Variants in ME1 observed in about 807,000 individuals in gnomAD.
The protein encoded by ME1 is NADP-dependent malic enzyme.
Under a neutral mutation model 66.4 loss-of-function variants are expected in ME1, and 74 were observed. The observed-to-expected ratio is 1.11, with a 90% CI of 0.92 to 1.35. The LOEUF (loss-of-function observed/expected upper bound fraction) is 1.35. Among genes scored for constraint, ME1 ranks in the 40% most tolerant of loss-of-function variants. The probability of loss-of-function intolerance (pLI) is 0.00; values close to 1 mark genes in which losing one functional copy is unlikely to be tolerated. For missense variants in ME1, 750 were observed against 694.1 expected, an observed-to-expected ratio of 1.08 and a Z score of -0.90; for synonymous variants, 251 against 235.6, an observed-to-expected ratio of 1.07 and a Z score of -0.60.
intron 5 of ME1, among the ~76,000 whole-genome samples, chr6:83,319,184 G>A (rs1223025277): frequency 6.6e-6 from 1 of 151,002 alleles, no homozygotes; most frequent in Non-Finnish European, 1.5e-5. Context: ...GGATAGCATT[G>A]GGAGATATAC....
At chr6:83,306,925 G>A (rs967671648) in intron 6 of ME1, among the ~76,000 whole-genome samples, 6 of 152,052 alleles carry the variant, frequency 3.9e-5, no homozygotes, top group African/African-American at 1.4e-4. Flanking sequence ...CATATTAAAG[G>A]AATGGTGGAA....
At chr6:83,221,878 A>C (rs773775035) in intron 12 of ME1, among the ~76,000 whole-genome samples, 4 of 152,182 alleles carry the variant, frequency 2.6e-5, no homozygotes, top group Non-Finnish European at 5.9e-5. Flanking sequence ...AAAAAACAGG[A>C]ATATTGTGTT....
intron 12 of ME1, 51 bp from the exon 13 acceptor site, chr6:83,216,647 G>T (rs1790001291): frequency 2.4e-6 from 3 of 1,247,728 alleles, no homozygotes; most frequent in Non-Finnish European, 3.4e-6. Flanking sequence ...ACGATACAAT[G>T]TGGTGGGTAC....
At chr6:83,261,603 A>G (rs1185007920) in intron 6 of ME1, among the ~76,000 whole-genome samples, 1 of 152,106 alleles carries the variant, frequency 6.6e-6, no homozygotes, top group African/African-American at 2.4e-5. Flanking sequence ...TGAGGAAGTG[A>G]GGAGGTAAGG....
intron 1 of ME1, among the ~76,000 whole-genome samples, chr6:83,426,803 G>C (rs563171111): frequency 6.6e-6 from 1 of 152,176 alleles, no homozygotes. Flanking sequence ...AAATATGGAA[G>C]AGTGGTGTTG....
rs59788379 is a variant in ME1, at chr6:83,406,971, T to TACACACACACACAC, written c.212+783_212+796dup. Among the ~76,000 whole-genome samples, 339 of 143,972 alleles carry TACACACACACACAC rather than the reference T, an allele frequency of 2.4e-3. 2 individuals carry two copies. The highest frequency in any genetic ancestry group is 7.7e-3 in the African/African-American group (296 of 38,548). 94.5% of individuals were successfully genotyped at this position (143,972 alleles called of 152,430 possible). ...CCATTTATATTTATATTTTCATTCA[T>TACACACACACACAC]ACACACACACACACACACACACACA... On this transcript the variant is annotated intron_variant, in intron 2 of 13. Transcript: ENST00000369705.
chr6:83,287,585 G>T (rs1220031050), intron 6 of ME1, among the ~76,000 whole-genome samples: 2 of 152,116 alleles, frequency 1.3e-5, no homozygotes, highest in Non-Finnish European at 2.9e-5. Flanking sequence ...CCAAGTCTTT[G>T]CCATTGTGAA....
intron 6 of ME1, among the ~76,000 whole-genome samples, chr6:83,263,073 C>T (rs1160952598): frequency 2.0e-5 from 3 of 152,250 alleles, no homozygotes; most frequent in Non-Finnish European, 4.4e-5. Flanking sequence ...TTTGGTAATG[C>T]TCCCAATATT....
At chr6:83,345,035 T>C (rs796436593) in intron 5 of ME1, among the ~76,000 whole-genome samples, 1 of 152,260 alleles carries the variant, frequency 6.6e-6, no homozygotes, top group South Asian at 2.1e-4. Flanking sequence ...TCTCACTCTG[T>C]AGCCCAGGTT....
At chr6:83,367,626 A>C (rs1200793464) in intron 3 of ME1, among the ~76,000 whole-genome samples, 1 of 152,106 alleles carries the variant, frequency 6.6e-6, no homozygotes, top group African/African-American at 2.4e-5. Flanking sequence ...CTCATGAACC[A>C]ACCTCTACTA....
chr6:83,270,958 A>G (rs761085516), intron 6 of ME1, among the ~76,000 whole-genome samples: 2 of 152,018 alleles, frequency 1.3e-5, no homozygotes, highest in Non-Finnish European at 2.9e-5. Context: ...AGATAAATTT[A>G]TAATCAAAGC....
At position 83,346,327 on chromosome 6, in the gene ME1, A is replaced by C. The variant is rs1407935398; in HGVS notation, c.446T>G (p.Val149Gly). The C allele has an allele frequency of 4.4e-6, 7 of 1,589,534 alleles. No individual in the cohort carries two copies. Among genetic ancestry groups the C allele is most frequent in the Non-Finnish European group, 6.0e-6 (7 of 1,169,696 alleles). Residue 149 changes from valine (V) to glycine (G), a missense_variant, in exon 5 of 14, where the codon GTG becomes GGG. Val to Gly is a moderately radical substitution (Grantham distance 109). Transcript: ENST00000369705. ...AWPEDVIKAI[V>G]VTDGERILGL... ...AAGAATACGCTCTCCATCAGTCACC[A>C]CAATGGCCTGGAAGAAAAAGAAAAA...
rs147409115 is a variant in ME1, at chr6:83,392,924, C to T, written c.362+5443G>A. The T allele has an allele frequency of 6.1e-4, 495 of 811,866 alleles. 5 individuals carry two copies. In the East Asian group the frequency reaches 0.012, roughly 19 times the overall value. The allele number at this position is 811,866 out of a possible 1,614,324, so 50.3% of individuals were successfully genotyped here. ...AGGTCATCCATGACAACTTTGGTAC[C>T]GTGGAAGGACTCATGACCATCGCTG... On this transcript the variant is annotated intron_variant, in intron 3 of 13. Transcript: ENST00000369705.
chr6:83,237,866 T>A, intron 8 of ME1, 36 bp from the exon 9 acceptor site: 1 of 1,146,690 alleles, frequency 8.7e-7, no homozygotes, highest in Non-Finnish European at 1.3e-6. Flanking sequence ...AAAGTTGTTC[T>A]ACATGATATC....
chr6:83,390,540 G>A (rs1361150531), intron 3 of ME1, among the ~76,000 whole-genome samples: 6 of 151,792 alleles, frequency 4.0e-5, no homozygotes, highest in Non-Finnish European at 8.8e-5. Flanking sequence ...TTTCAAACAG[G>A]ATTTTTTTAT....
rs145851126 is a variant in ME1, at chr6:83,346,436, G to T, written c.439-102C>A. 1,185 of 629,332 alleles carry T rather than the reference G, an allele frequency of 1.9e-3. 11 individuals carry two copies. The African/African-American group carries it at 0.02, about 11-fold the overall frequency. 39.0% of individuals were successfully genotyped at this position (629,332 alleles called of 1,614,324 possible). ...GTTACTACTAGTGAAATAGTAAGCTGTTAAAAAACATAAATTGAATATTTA... is the reference window on the plus strand; with the variant it reads ...GTTACTACTAGTGAAATAGTAAGCTTTTAAAAAACATAAATTGAATATTTA... On this transcript the variant is annotated intron_variant, in intron 4 of 13. Transcript: ENST00000369705.
chr6:83,405,131 T>A (rs1769914416), intron 2 of ME1, among the ~76,000 whole-genome samples: 1 of 152,216 alleles, frequency 6.6e-6, no homozygotes, highest in African/African-American at 2.4e-5. Context: ...ATTCTTCCTA[T>A]CCATGAGCAT....
chr6:83,298,950 T>G (rs1021166408), intron 6 of ME1, among the ~76,000 whole-genome samples: 78 of 132,368 alleles, frequency 5.9e-4, no homozygotes, highest in African/African-American at 2.0e-3. Flanking sequence ...TTTTTTTTTT[T>G]TTTTTTTTTT....
At chr6:83,249,329 C>T (rs1180198) in intron 7 of ME1, among the ~76,000 whole-genome samples, 38,371 of 151,660 alleles carry the variant, frequency 0.25, 5,271 homozygotes, top group Middle Eastern at 0.37. Flanking sequence ...GAAACCTCCA[C>T]CACCCGGGTT....
Sources: allele counts gnomAD v4.1 joint callset (sites outside exome capture counted in the v4.1 genomes callset), GRCh38; gene constraint gnomAD v4.1.1; transcripts MANE v1.5; gene names NCBI Gene and HGNC (gene_info 2026-07-23, HGNC 2026-07-21).